FOXK2: variants seen among roughly 807,000 people sequenced by gnomAD.
The protein encoded by FOXK2 is forkhead box K2.
In FOXK2, 24 loss-of-function variants were observed where a neutral mutation model predicts 53.3. The ratio of observed to expected loss-of-function variants is 0.45; its 90% CI spans 0.33 to 0.63. The LOEUF (loss-of-function observed/expected upper bound fraction) is 0.63, where lower values mean the gene tolerates loss of function less well. Among genes scored for constraint, FOXK2 ranks in the 30% least tolerant of loss-of-function variants. The pLI is 0.03. For synonymous variants in FOXK2, 505 were observed against 407.1 expected (o/e 1.24, Z -2.89); for missense variants, 952 against 910.5 (o/e 1.05, Z -0.59).
In FOXK2 at chr17:82,603,702, A is replaced by G. The variant is rs1245202468; in HGVS notation, c.*2203A>G. On this transcript the variant is annotated 3_prime_UTR_variant, in exon 9 of 9. Transcript: ENST00000335255. Reference sequence around the variant, plus strand: ...TAAGGAAAATGTCCATTCAAATGGTAAAGAAGGGAGGAGGGTGTTTTTTTT... The same window carrying G: ...TAAGGAAAATGTCCATTCAAATGGTGAAGAAGGGAGGAGGGTGTTTTTTTT... The G allele has an allele frequency of 4.2e-5, 6 of 142,130 alleles. No individual in the cohort carries two copies. The highest frequency in any genetic ancestry group is 9.1e-5 in the Non-Finnish European group (6 of 66,172). 8.8% of individuals were successfully genotyped at this position (142,130 alleles called of 1,614,324 possible).
chr17:82,559,081 A>G (rs924341403), intron 1 of FOXK2, among the ~76,000 whole-genome samples: 83 of 152,114 alleles, frequency 5.5e-4, no homozygotes, highest in African/African-American at 2.0e-3. Flanking sequence ...TTTAGTAGCA[A>G]TGGGGTTTCA....
At position 82,601,284 on chromosome 17, in the gene FOXK2, C is replaced by T. The variant is rs2045379965; in HGVS notation, c.1787-19C>T. Reference sequence around the variant, plus strand: ...TTCACGTGAGAGCGTGGGGTTCTGACTCCCTCGTGTCATTTCAGCCGCGGC... The same window carrying T: ...TTCACGTGAGAGCGTGGGGTTCTGATTCCCTCGTGTCATTTCAGCCGCGGC... On this transcript the variant is annotated intron_variant, in intron 8 of 8. Coordinates refer to ENST00000335255, the MANE Select transcript of FOXK2 (RefSeq NM_004514.4). 5 of 1,605,280 alleles carry T rather than the reference C, an allele frequency of 3.1e-6. No individual in the cohort carries two copies. Among genetic ancestry groups the T allele is most frequent in the African/African-American group, 1.3e-5 (1 of 74,782 alleles).
chr17:82,526,586 T>G (rs62078090), intron 1 of FOXK2, among the ~76,000 whole-genome samples: 5,104 of 151,674 alleles, frequency 0.034, 107 homozygotes, highest in Non-Finnish European at 0.044. Flanking sequence ...ATCCCAGCAC[T>G]TTGGGAGGCC....
chr17:82,524,675 G>T (rs934425096), intron 1 of FOXK2, among the ~76,000 whole-genome samples: 10 of 152,306 alleles, frequency 6.6e-5, no homozygotes, highest in African/African-American at 2.4e-4. Context: ...AGGGCTGTGT[G>T]TAAGGAAAGG....
rs200995928 is a variant in FOXK2, at chr17:82,596,743, CAG to C, written c.1787-4557_1787-4556del. 5.4e-3 allele frequency among the ~76,000 whole-genome samples: 830 copies of C among 152,322 alleles called. 6 individuals carry two copies. Among genetic ancestry groups the C allele is most frequent in the Middle Eastern group, 0.01 (3 of 294 alleles). On this transcript the variant is annotated intron_variant, in intron 8 of 8. Coordinates refer to ENST00000335255, the MANE Select transcript of FOXK2 (RefSeq NM_004514.4). The stretch of plus-strand genomic sequence containing the variant: ...GTCTTGATTGGGACGGTGTTGAATC[CAG>C]AGTGTGTGGCAGAGCTGGCGGAGCC...
At chr17:82,541,494 G>A (rs543450647) in intron 1 of FOXK2, among the ~76,000 whole-genome samples, 4 of 152,066 alleles carry the variant, frequency 2.6e-5, no homozygotes, top group Admixed American at 6.6e-5. Context: ...GGCTGGTCTC[G>A]AACTCCTGAC....
At chr17:82,584,304 T>C (rs2045105424) in intron 6 of FOXK2, 116 bp downstream of exon 6, 3 of 1,062,494 alleles carry the variant, frequency 2.8e-6, no homozygotes, top group African/African-American at 1.6e-5. Context: ...CTGTACCTTA[T>C]ACTAGTACCT....
At chr17:82,527,350 T>C (rs1294652022) in intron 1 of FOXK2, among the ~76,000 whole-genome samples, 1 of 152,112 alleles carries the variant, frequency 6.6e-6, no homozygotes, top group Non-Finnish European at 1.5e-5. Flanking sequence ...AAATTTTGGC[T>C]GGGCCCGGTG....
At position 82,587,412 on chromosome 17, in the gene FOXK2, C is replaced by A; in HGVS notation, c.1786+140C>A. The A allele has an allele frequency of 4.2e-6, 3 of 706,844 alleles. No individual in the cohort carries two copies. In the South Asian group the frequency reaches 5.1e-5, roughly 12 times the overall value. The allele number at this position is 706,844 out of a possible 1,614,324, so 43.8% of individuals were successfully genotyped here. ...TTTGCATTTCGAAGCTGCAGGAAAT[C>A]TAGTCATGCTGGGGAAGTGGTCGTG... is the stretch of plus-strand genomic sequence containing the variant. On this transcript the variant is annotated intron_variant, in intron 8 of 8. Coordinates refer to ENST00000335255, the MANE Select transcript of FOXK2 (RefSeq NM_004514.4).
chr17:82,570,566 C>T (rs1012958772), intron 3 of FOXK2, among the ~76,000 whole-genome samples: 1 of 152,242 alleles, frequency 6.6e-6, no homozygotes, highest in Non-Finnish European at 1.5e-5. Context: ...GCTATGGAAG[C>T]CCATGTGGGC....
chr17:82,560,792 G>C (rs543058256), intron 1 of FOXK2, among the ~76,000 whole-genome samples: 1 of 152,234 alleles, frequency 6.6e-6, no homozygotes, highest in South Asian at 2.1e-4. Flanking sequence ...GAGCCCAGGA[G>C]TTTGAGACCA....
chr17:82,591,358 G>A (rs572870695), intron 8 of FOXK2, among the ~76,000 whole-genome samples: 5 of 152,164 alleles, frequency 3.3e-5, no homozygotes, highest in Admixed American at 6.5e-5. Context: ...TCCCGTTGTC[G>A]CCGTTGTCCA....
At chr17:82,592,610 C>T (rs2045263485) in intron 8 of FOXK2, among the ~76,000 whole-genome samples, 1 of 152,262 alleles carries the variant, frequency 6.6e-6, no homozygotes, top group Admixed American at 6.5e-5. Flanking sequence ...AACATTGTTC[C>T]TGCCTTGATC....
rs1452153422 is a variant in FOXK2 at position 82,582,922 on chromosome 17, C to A, written c.1091C>A (p.Pro364Gln). The A allele has an allele frequency of 3.2e-6, 5 of 1,587,096 alleles. No homozygotes were observed. Among genetic ancestry groups the A allele is most frequent in the Admixed American group, 1.9e-5 (1 of 52,392 alleles). The change falls in exon 5 of 9, where the codon CCG becomes CAG. Residue 364 changes from proline to glutamine, a missense_variant. By Grantham distance (76) the Pro-to-Gln change is moderately conservative. Transcript: ENST00000335255. ...CCCTGCTTTAGAACCCCTCTGGGAC[C>A]GCTCTCTTCTAGGTAAGGAAAAAGA... ...GVPCFRTPLG[P>Q]LSSRSAPASP...
At chr17:82,536,464 G>A (rs1286479016) in intron 1 of FOXK2, among the ~76,000 whole-genome samples, 1 of 152,168 alleles carries the variant, frequency 6.6e-6, no homozygotes, top group Non-Finnish European at 1.5e-5. Flanking sequence ...TTTATTTAAC[G>A]ACTTTTCCAA....
intron 1 of FOXK2, among the ~76,000 whole-genome samples, chr17:82,527,649 G>A (rs560384155): frequency 2.0e-5 from 3 of 152,118 alleles, no homozygotes; most frequent in East Asian, 3.9e-4. Context: ...ATATTCATTT[G>A]GCAAATTGAG....
chr17:82,579,002 G>A (rs1255738721), intron 4 of FOXK2, among the ~76,000 whole-genome samples: 2 of 152,276 alleles, frequency 1.3e-5, no homozygotes, highest in Non-Finnish European at 2.9e-5. Context: ...CCTTCACTTC[G>A]GGGCTTGTTG....
At chr17:82,565,632 G>C (rs1015544147) in intron 2 of FOXK2, among the ~76,000 whole-genome samples, 2 of 152,142 alleles carry the variant, frequency 1.3e-5, no homozygotes, top group African/African-American at 4.8e-5. Flanking sequence ...TGGATTGGCT[G>C]CTATTAAAAA....
intron 1 of FOXK2, among the ~76,000 whole-genome samples, chr17:82,559,050 A>G (rs2044763716): frequency 6.6e-6 from 1 of 151,818 alleles, no homozygotes; most frequent in Non-Finnish European, 1.5e-5. Flanking sequence ...CGCCTGGCCC[A>G]CGCTGGTTAA....
Sources: allele counts gnomAD v4.1 joint callset (sites outside exome capture counted in the v4.1 genomes callset), GRCh38; gene constraint gnomAD v4.1.1; transcripts MANE v1.5; gene names NCBI Gene and HGNC (gene_info 2026-07-23, HGNC 2026-07-21).